EYA4: variants seen among roughly 807,000 people sequenced by gnomAD.
EYA4 encodes protein phosphatase EYA4.
A neutral mutation model predicts 87.9 loss-of-function variants in EYA4; 31 were observed. The observed-to-expected ratio is 0.35, with a 90% CI of 0.27 to 0.48. The LOEUF is 0.48. EYA4 is among the 20% of genes least tolerant of loss of function. The probability of loss-of-function intolerance (pLI) is 0.99; values close to 1 mark genes in which losing one functional copy is unlikely to be tolerated. For synonymous variants in EYA4, 263 were observed against 270.6 expected (o/e 0.97, Z 0.28); for missense variants, 678 against 761.4 (o/e 0.89, Z 1.29).
chr6:133,371,041 A>G (rs1785227109), intron 2 of EYA4, among the ~76,000 whole-genome samples: 1 of 149,032 alleles, frequency 6.7e-6, no homozygotes, highest in East Asian at 1.9e-4. Context: ...TGTCTTTCTC[A>G]AGAAGAAGAA....
At chr6:133,331,044 T>TC (rs1192468999) in intron 2 of EYA4, among the ~76,000 whole-genome samples, 1 of 151,204 alleles carries the variant, frequency 6.6e-6, no homozygotes, top group African/African-American at 2.4e-5. Context: ...TTTTTTTTTT[T>TC]TTTTGCACCA....
chr6:133,306,420 T>C (rs1005733433), intron 2 of EYA4, among the ~76,000 whole-genome samples: 3 of 152,204 alleles, frequency 2.0e-5, no homozygotes, highest in African/African-American at 7.2e-5. Context: ...GAGCCAGTAC[T>C]GTAATCTGTG....
At chr6:133,257,340 C>G (rs977842120) in intron 1 of EYA4, among the ~76,000 whole-genome samples, 2 of 152,124 alleles carry the variant, frequency 1.3e-5, no homozygotes, top group African/African-American at 4.8e-5. Context: ...AAACAACTCT[C>G]CTTCCCCCAA....
At chr6:133,366,431 T>A (rs532681870) in intron 2 of EYA4, among the ~76,000 whole-genome samples, 108 of 152,278 alleles carry the variant, frequency 7.1e-4, no homozygotes, top group African/African-American at 2.5e-3. Context: ...ACCTACACTA[T>A]ATAGACAGTA....
chr6:133,287,488 T>C (rs1189346495), intron 2 of EYA4, among the ~76,000 whole-genome samples: 1 of 152,024 alleles, frequency 6.6e-6, no homozygotes, highest in Middle Eastern at 3.2e-3. Flanking sequence ...TCAGAAGCTC[T>C]GTGGGCATGA....
At chr6:133,435,947 G>A (rs780161588) in intron 3 of EYA4, among the ~76,000 whole-genome samples, 9 of 152,100 alleles carry the variant, frequency 5.9e-5, no homozygotes, top group Non-Finnish European at 8.8e-5. Context: ...CAGGCTGGGC[G>A]CGGTGGCTCA....
At chr6:133,295,426 G>A (rs1001724219) in intron 2 of EYA4, among the ~76,000 whole-genome samples, 1 of 152,154 alleles carries the variant, frequency 6.6e-6, no homozygotes, top group African/African-American at 2.4e-5. Context: ...ATAAATGCCT[G>A]CATTTGCTCA....
chr6:133,246,041 C>G (rs145419431), intron 1 of EYA4, among the ~76,000 whole-genome samples: 1 of 152,256 alleles, frequency 6.6e-6, no homozygotes, highest in East Asian at 1.9e-4. Context: ...AGAGATGAAA[C>G]TGATTAATTT....
intron 2 of EYA4, among the ~76,000 whole-genome samples, chr6:133,293,978 TA>T (rs1778702814): frequency 4.0e-5 from 2 of 50,594 alleles, no homozygotes; most frequent in Non-Finnish European, 6.1e-5. Context: ...TTTACATATA[TA>T]TATTACATAT....
At chr6:133,350,992 T>G (rs1266468859) in intron 2 of EYA4, among the ~76,000 whole-genome samples, 1 of 152,190 alleles carries the variant, frequency 6.6e-6, no homozygotes, top group Non-Finnish European at 1.5e-5. Context: ...TTTCTTCTGC[T>G]TACATTTTCT....
At chr6:133,361,466 G>T (rs746416962) in intron 2 of EYA4, among the ~76,000 whole-genome samples, 1 of 152,050 alleles carries the variant, frequency 6.6e-6, no homozygotes, top group African/African-American at 2.4e-5. Context: ...TTTATTGGAA[G>T]TAATAAGTCT....
At chr6:133,435,927 T>C (rs1184654160) in intron 3 of EYA4, among the ~76,000 whole-genome samples, 1 of 152,042 alleles carries the variant, frequency 6.6e-6, no homozygotes, top group East Asian at 1.9e-4. Flanking sequence ...CATATAAATA[T>C]TGAAACTTCC....
chr6:133,398,672 C>G (rs1307053706), intron 3 of EYA4, among the ~76,000 whole-genome samples: 5 of 152,108 alleles, frequency 3.3e-5, no homozygotes, highest in African/African-American at 4.8e-5. Flanking sequence ...TGCTTAAAAA[C>G]TTTGAGAAGA....
At chr6:133,325,872 C>T (rs1002221965) in intron 2 of EYA4, among the ~76,000 whole-genome samples, 50 of 152,188 alleles carry the variant, frequency 3.3e-4, no homozygotes, top group African/African-American at 1.2e-3. Context: ...CAAATAGGAG[C>T]ATGAAACAGG....
chr6:133,313,417 A>G lies in EYA4; in HGVS notation c.33+38604A>G, dbSNP rs112264681. On this transcript the variant is annotated intron_variant, in intron 2 of 19. Coordinates refer to ENST00000355286, the MANE Select transcript of EYA4 (RefSeq NM_004100.5). ...TGATTCTTACTGTCATTCATATTTA[A>G]CATTTATTGCCTTTATTTTGGGGAA... Among the ~76,000 whole-genome samples, 136 of 152,300 alleles carry G rather than the reference A, an allele frequency of 8.9e-4. 1 individual carries two copies. Among genetic ancestry groups the G allele is most frequent in the African/African-American group, 2.9e-3 (122 of 41,562 alleles).
At chr6:133,440,699 G>C (rs932429788) in intron 3 of EYA4, among the ~76,000 whole-genome samples, 1 of 152,162 alleles carries the variant, frequency 6.6e-6, no homozygotes, top group Non-Finnish European at 1.5e-5. Flanking sequence ...CTAAAATTGT[G>C]AAGGGGAAAT....
intron 13 of EYA4, among the ~76,000 whole-genome samples, chr6:133,499,029 T>C (rs1434686625): frequency 6.6e-6 from 1 of 152,188 alleles, no homozygotes; most frequent in Admixed American, 6.5e-5. Flanking sequence ...ATTGATTAAC[T>C]TGAAGCTAAT....
intron 2 of EYA4, among the ~76,000 whole-genome samples, chr6:133,275,998 T>C (rs943108695): frequency 6.6e-6 from 1 of 152,164 alleles, no homozygotes; most frequent in African/African-American, 2.4e-5. Context: ...CTTTCAAACT[T>C]TTAAAAATGC....
chr6:133,262,731 A>G (rs899094698), intron 1 of EYA4, among the ~76,000 whole-genome samples: 3 of 152,160 alleles, frequency 2.0e-5, no homozygotes, highest in African/African-American at 4.8e-5. Flanking sequence ...TATGAACCCC[A>G]TTATCATTTT....
Sources: gnomAD v4.1 joint callset for allele counts (sites outside exome capture counted in the v4.1 genomes callset) on GRCh38, gnomAD v4.1.1 for gene constraint, MANE v1.5 for transcripts, NCBI Gene and HGNC (gene_info 2026-07-23, HGNC 2026-07-21) for gene names.